GRM1: variants seen among roughly 807,000 people sequenced by gnomAD.
GRM1 encodes metabotropic glutamate receptor 1.
A neutral mutation model predicts 90.9 loss-of-function variants in GRM1; 33 were observed. The ratio of observed to expected loss-of-function variants is 0.36; its 90% CI spans 0.28 to 0.49. The LOEUF is 0.49. GRM1 is among the 20% of genes least tolerant of loss of function. GRM1 has a pLI of 0.99. For missense variants in GRM1, 1,190 were observed against 1,534.3 expected (o/e 0.78, Z 3.75); for synonymous variants, 700 against 613.2 (o/e 1.14, Z -2.09).
chr6:146,300,204 A>G (rs1783323094), intron 2 of GRM1, among the ~76,000 whole-genome samples: 1 of 152,210 alleles, frequency 6.6e-6, no homozygotes, highest in East Asian at 1.9e-4. Flanking sequence ...TTTAGCACCT[A>G]GACTGTAATT....
chr6:146,402,003 G>A (rs1034527651), intron 7 of GRM1, among the ~76,000 whole-genome samples: 8 of 152,114 alleles, frequency 5.3e-5, no homozygotes, highest in Non-Finnish European at 1.2e-4. Flanking sequence ...TAAACTGAGA[G>A]CATTCCCTTC....
chr6:146,198,265 G>T (rs1183558917), intron 2 of GRM1, among the ~76,000 whole-genome samples: 1 of 152,180 alleles, frequency 6.6e-6, no homozygotes, highest in Non-Finnish European at 1.5e-5. Context: ...GGAGTCTATG[G>T]TAGTCTATAG....
rs965990929 is a variant in GRM1, at chr6:146,399,101, G to A, written c.2062G>A (p.Gly688Ser). 1.2e-6 allele frequency: 2 copies of A among 1,614,070 alleles called. No individual in the cohort carries two copies. The highest frequency in any genetic ancestry group is 3.3e-5 in the Admixed American group (2 of 60,002). The change falls in exon 7 of 8, where the codon GGC becomes AGC. Residue 688 changes from glycine (G) to serine (S), a missense_variant. This residue lies in a region of GRM1 where 414 missense variants were observed against 598.4 expected (regional missense o/e 0.69). Transcript: ENST00000282753. This position sits in a 1 kb window ranked among gnomAD's most constrained non-coding sequence, Gnocchi z 5.4. ...CAATCGTATTGCACGCATCCTGGCT[G>A]GCAGCAAGAAGAAGATCTGCACCCG... ...KTNRIARILA[G>S]SKKKICTRKP... is the part of the protein sequence containing the mutation.
chr6:146,399,373 C>T lies in GRM1; in HGVS notation c.2334C>T (p.Pro778=), dbSNP rs138085475. ...ATGCCTTCAAGACCCGCAACGTGCC[C>T]GCCAACTTCAACGAGGCCAAATATA... ...TYYAFKTRNV[P]ANFNEAKYIA... The change falls in exon 7 of 8, where the codon CCC becomes CCT. Residue 778 remains proline (P), a synonymous_variant. Coordinates refer to ENST00000282753, the MANE Select transcript of GRM1 (RefSeq NM_001278064.2). The surrounding 1 kb of genome is among the most constrained non-coding windows in gnomAD (Gnocchi z 5.4). 25 of 1,614,132 alleles carry T rather than the reference C, an allele frequency of 1.5e-5. No homozygotes were observed. The highest frequency in any genetic ancestry group is 2.2e-5 in the East Asian group (1 of 44,878).
At chr6:146,286,968 T>G (rs1782789333) in intron 2 of GRM1, among the ~76,000 whole-genome samples, 1 of 152,328 alleles carries the variant, frequency 6.6e-6, no homozygotes, top group East Asian at 1.9e-4. Context: ...GTATAAACAT[T>G]AAGCAAGATG....
chr6:146,127,922 G>A (rs1776255105), intron 1 of GRM1, among the ~76,000 whole-genome samples: 2 of 152,218 alleles, frequency 1.3e-5, no homozygotes, highest in African/African-American at 4.8e-5. Context: ...AGTTAGCTGG[G>A]GTGGCTCAAA....
intron 3 of GRM1, among the ~76,000 whole-genome samples, chr6:146,320,320 G>A (rs1053077213): frequency 6.6e-6 from 1 of 152,166 alleles, no homozygotes; most frequent in Non-Finnish European, 1.5e-5. Flanking sequence ...AAGCTGACTT[G>A]ATCATTCTGG....
rs187234804 is a variant in GRM1 at position 146,057,825 on chromosome 6, A to T, written c.700+27608A>T. On this transcript the variant is annotated intron_variant, in intron 1 of 7. Transcript: ENST00000282753. ...AAAGATTTGATATGTTCCCTGAAGA[A>T]CTCTAAAGAAGATTACTTTGGTTTG... 1.2e-3 allele frequency among the ~76,000 whole-genome samples: 187 copies of T among 152,166 alleles called. 2 individuals are homozygous for T. Among genetic ancestry groups the T allele is most frequent in the Admixed American group, 2.9e-3 (45 of 15,262 alleles).
At chr6:146,131,291 C>T (rs932989828) in intron 1 of GRM1, among the ~76,000 whole-genome samples, 1 of 151,652 alleles carries the variant, frequency 6.6e-6, no homozygotes, top group African/African-American at 2.4e-5. Flanking sequence ...TGCTTTATTT[C>T]CCGTTTTGTA....
At chr6:146,289,378 G>A (rs1782895538) in intron 2 of GRM1, among the ~76,000 whole-genome samples, 1 of 151,980 alleles carries the variant, frequency 6.6e-6, no homozygotes, top group Non-Finnish European at 1.5e-5. Context: ...AAACGTCTAT[G>A]GAATAAAGAT....
chr6:146,256,161 C>A (rs1024266196), intron 2 of GRM1, among the ~76,000 whole-genome samples: 1 of 152,140 alleles, frequency 6.6e-6, no homozygotes, highest in African/African-American at 2.4e-5. Context: ...GTGAGCTATG[C>A]CATCTTGCCT....
Position 146,079,308 on chromosome 6 carries a change from G to A in GRM1, c.700+49091G>A, listed in dbSNP as rs960839051. Among the ~76,000 whole-genome samples the A allele has an allele frequency of 3.9e-5, 6 of 152,140 alleles. No individual in the cohort carries two copies. The South Asian group carries it at 8.3e-4, about 21-fold the overall frequency. On this transcript the variant is annotated intron_variant, in intron 1 of 7. Coordinates refer to ENST00000282753, the MANE Select transcript of GRM1 (RefSeq NM_001278064.2). ...AAGGCAACATTCCATTCAGCACCTC[G>A]GATGTGTGATATGTGAGATCCAGCT...
intron 2 of GRM1, among the ~76,000 whole-genome samples, chr6:146,292,018 A>G (rs1457655803): frequency 6.6e-6 from 1 of 151,998 alleles, no homozygotes; most frequent in African/African-American, 2.4e-5. Flanking sequence ...ATAAACCCAA[A>G]TTATTTTCAG....
intron 1 of GRM1, among the ~76,000 whole-genome samples, chr6:146,123,610 C>T (rs987793706): frequency 7.9e-5 from 12 of 152,186 alleles, no homozygotes; most frequent in Admixed American, 3.9e-4. Flanking sequence ...TGCAGCTCAC[C>T]ATCCAATACC....
intron 5 of GRM1, 98 bp downstream of exon 5, chr6:146,357,792 C>G (rs990569804): frequency 1.0e-6 from 1 of 988,916 alleles, no homozygotes; most frequent in Non-Finnish European, 1.6e-6. Context: ...ACATAACTGT[C>G]TAGAAAGGGT....
At chr6:146,221,287 A>G (rs1432728210) in intron 2 of GRM1, among the ~76,000 whole-genome samples, 3 of 151,970 alleles carry the variant, frequency 2.0e-5, no homozygotes, top group Admixed American at 1.3e-4. Context: ...GGTTTGCTGC[A>G]CTCACCAACC....
chr6:146,099,361 G>A (rs750947036), intron 1 of GRM1, among the ~76,000 whole-genome samples: 1 of 152,166 alleles, frequency 6.6e-6, no homozygotes, highest in African/African-American at 2.4e-5. Flanking sequence ...TGGGAACAGA[G>A]CGAGACCCTG....
intron 4 of GRM1, among the ~76,000 whole-genome samples, chr6:146,356,843 T>C (rs1206869588): frequency 1.3e-5 from 2 of 152,180 alleles, no homozygotes; most frequent in African/African-American, 4.8e-5. Context: ...TGATATACTG[T>C]ATGTATATAG....
chr6:146,408,418 A>C (rs75855752), intron 7 of GRM1, among the ~76,000 whole-genome samples: 1,607 of 152,286 alleles, frequency 0.011, 35 homozygotes, highest in African/African-American at 0.037. Context: ...ATGGATAATA[A>C]TAGTGCTTAT....
Sources: allele counts gnomAD v4.1 joint callset (sites outside exome capture counted in the v4.1 genomes callset), GRCh38; gene constraint gnomAD v4.1.1; regional missense constraint gnomAD v4.1.1; non-coding constraint Gnocchi (gnomAD v3.1); transcripts MANE v1.5; gene names NCBI Gene and HGNC (gene_info 2026-07-23, HGNC 2026-07-21).